Variants in PRPF18 observed in about 807,000 individuals in gnomAD.
PRPF18 encodes pre-mRNA processing factor 18.
In PRPF18, 38 loss-of-function variants were observed where a neutral mutation model predicts 46.5. That is an observed-to-expected ratio of 0.82 (90% confidence interval 0.63 to 1.07). The LOEUF (loss-of-function observed/expected upper bound fraction) is 1.07. Among genes scored for constraint, PRPF18 ranks in the 50% least tolerant of loss-of-function variants. The pLI is 0.00. For missense variants in PRPF18, 263 were observed against 410.0 expected (o/e 0.64, Z 3.10); for synonymous variants, 152 against 146.7 (o/e 1.04, Z -0.26).
At chr10:13,636,132 A>T in the PRPF18 span, among the ~76,000 whole-genome samples, 2 of 152,298 alleles carry the variant, frequency 1.3e-5, no homozygotes, top group African/African-American at 4.8e-5. Context: ...AAAGTACGAG[A>T]TAGGTTTGGC....
In PRPF18 at chr10:13,586,977, G is replaced by A; in HGVS notation, c.-110G>A. The A allele has an allele frequency of 9.0e-7, 1 of 1,115,182 alleles. No homozygotes were observed. Among genetic ancestry groups the A allele is most frequent in the Non-Finnish European group, 1.4e-6 (1 of 729,128 alleles). 69.1% of individuals were successfully genotyped at this position (1,115,182 alleles called of 1,614,324 possible). On this transcript the variant is annotated 5_prime_UTR_variant, in exon 1 of 10. In the 5' UTR this introduces an upstream ATG that the reference lacks. Transcript: ENST00000378572. The stretch of plus-strand genomic sequence containing the variant: ...AGCGGCTCCTGTCAGTTGTTCTCAG[G>A]TGTTTGGGCTTGTTGTTCCGTATAC...
At chr10:13,652,229 G>A in the PRPF18 span, 2 of 530,482 alleles carry the variant, frequency 3.8e-6, no homozygotes, top group Admixed American at 6.7e-5. Flanking sequence ...ATAGCAAACA[G>A]TTTATGCCAA....
At chr10:13,621,691 G>A (rs932912743) in intron 9 of PRPF18, among the ~76,000 whole-genome samples, 5 of 152,164 alleles carry the variant, frequency 3.3e-5, no homozygotes, top group African/African-American at 1.2e-4. Flanking sequence ...TGTGCACTGT[G>A]TTACAGATTC....
At chr10:13,635,354 A>C (rs114002235), downstream of PRPF18, among the ~76,000 whole-genome samples, 1 of 152,292 alleles carries the variant, frequency 6.6e-6, no homozygotes, top group African/African-American at 2.4e-5. Flanking sequence ...CGCAGTGAAC[A>C]TACATGTGAG....
chr10:13,597,582 A>G (rs1185709880), intron 2 of PRPF18, 47 bp downstream of exon 2: 4 of 1,598,554 alleles, frequency 2.5e-6, no homozygotes, highest in Non-Finnish European at 3.4e-6. Context: ...CTGAGTTTAA[A>G]TTTATACAGC....
At chr10:13,604,559 A>C (rs1408667713) in intron 3 of PRPF18, among the ~76,000 whole-genome samples, 4 of 152,210 alleles carry the variant, frequency 2.6e-5, no homozygotes, top group Non-Finnish European at 4.4e-5. Flanking sequence ...TCATGGTGGT[A>C]TTACAATGCA....
intron 9 of PRPF18, among the ~76,000 whole-genome samples, chr10:13,629,468 C>A (rs1025232588): frequency 6.6e-6 from 1 of 152,168 alleles, no homozygotes; most frequent in Non-Finnish European, 1.5e-5. Flanking sequence ...AGTTTAAGAA[C>A]TAGAACATTC....
chr10:13,654,061 G>T, the PRPF18 span: 11 of 445,350 alleles, frequency 2.5e-5, no homozygotes, highest in Admixed American at 3.9e-5. Flanking sequence ...TTCTCCCCCT[G>T]ACATTCTTGC....
intron 1 of PRPF18, among the ~76,000 whole-genome samples, chr10:13,591,206 A>G (rs1212271531): frequency 5.3e-5 from 8 of 152,206 alleles, no homozygotes; most frequent in Non-Finnish European, 1.0e-4. Flanking sequence ...CAGTCTTTAG[A>G]TCTGCAGCTC....
At chr10:13,628,925 T>C (rs1220233033) in intron 9 of PRPF18, among the ~76,000 whole-genome samples, 1 of 152,156 alleles carries the variant, frequency 6.6e-6, no homozygotes, top group African/African-American at 2.4e-5. Context: ...CTGGCCTGTT[T>C]GCGCACGGTA....
At chr10:13,588,307 T>A (rs1166617625) in intron 1 of PRPF18, among the ~76,000 whole-genome samples, 1 of 151,396 alleles carries the variant, frequency 6.6e-6, no homozygotes, top group Non-Finnish European at 1.5e-5. Context: ...CTCAGGAGGC[T>A]GAGGCCAGAG....
Position 13,617,720 on chromosome 10 carries a change from G to A in PRPF18, c.948+1167G>A, listed in dbSNP as rs557397548. On this transcript the variant is annotated intron_variant, in intron 9 of 9. Transcript: ENST00000378572. Reference sequence around the variant, plus strand: ...ACAGTAATGTGATTTTCACCTCCCCGAGGAGTGATTTTTTTTTAAGTATAC... The same window carrying A: ...ACAGTAATGTGATTTTCACCTCCCCAAGGAGTGATTTTTTTTTAAGTATAC... Among the ~76,000 whole-genome samples the A allele has an allele frequency of 5.3e-5, 8 of 152,176 alleles. No homozygotes were observed. In the East Asian group the frequency reaches 1.4e-3, roughly 26 times the overall value.
At chr10:13,591,979 T>A in intron 1 of PRPF18, 1 of 953,998 alleles carries the variant, frequency 1.0e-6, no homozygotes, top group Non-Finnish European at 1.6e-6. Context: ...ACATCTTCAG[T>A]AGGAAAATAT....
chr10:13,640,417 A>G, the PRPF18 span: 1 of 152,228 alleles, frequency 6.6e-6, no homozygotes, highest in Non-Finnish European at 1.5e-5. Flanking sequence ...TCTTCTACGC[A>G]ATCCCAAGCT....
rs763324655 is a variant in PRPF18, at chr10:13,616,418, G to A, written c.813G>A (p.Gln271=). The A allele has an allele frequency of 6.2e-7, 1 of 1,610,360 alleles. No homozygotes were observed. The highest frequency in any genetic ancestry group is 8.5e-7 in the Non-Finnish European group (1 of 1,177,704). The part of the protein sequence containing the change: ...EYVKANDAYL[Q]MAIGNAPWPI... ...TTCAGGCAAATGATGCTTATCTTCA[G>A]ATGGCCATTGGAAATGCGCCTTGGC... The change falls in exon 9 of 10, where the codon CAG becomes CAA. Residue 271 remains glutamine, a synonymous_variant. Transcript: ENST00000378572.
chr10:13,590,815 C>G (rs866873393), intron 1 of PRPF18, among the ~76,000 whole-genome samples: 4 of 152,150 alleles, frequency 2.6e-5, no homozygotes, highest in Non-Finnish European at 4.4e-5. Context: ...GGATTTGAAC[C>G]CTGGTCTGTT....
At chr10:13,612,813 C>T (rs1161370914) in intron 6 of PRPF18, among the ~76,000 whole-genome samples, 2 of 151,818 alleles carry the variant, frequency 1.3e-5, no homozygotes, top group African/African-American at 4.8e-5. Flanking sequence ...AGAGAGTGCT[C>T]AATTCTTCAG....
chr10:13,597,323 C>A (rs1057400977), intron 1 of PRPF18, 135 bp from the exon 2 acceptor site: 5 of 636,430 alleles, frequency 7.9e-6, no homozygotes. Flanking sequence ...TCTCTGGAAC[C>A]AAAAAATATT....
In PRPF18 at chr10:13,623,688, G is replaced by GTAGTT. The variant is rs66501629; in HGVS notation, c.949-6571_949-6570insAGTTT. On this transcript the variant is annotated intron_variant, in intron 9 of 9. Coordinates refer to ENST00000378572, the MANE Select transcript of PRPF18 (RefSeq NM_003675.4). ...CAAATCAAGGCAAAGAATTGTGATT[G>GTAGTT]TGGTTTGGTTTGGTTTAGTTTTTGT... 5.7e-4 allele frequency among the ~76,000 whole-genome samples: 87 copies of GTAGTT among 151,582 alleles called. No homozygotes were observed. In the South Asian group the frequency reaches 0.012, roughly 21 times the overall value.
Sources: allele counts gnomAD v4.1 joint callset (sites outside exome capture counted in the v4.1 genomes callset), GRCh38; gene constraint gnomAD v4.1.1; transcripts MANE v1.5; gene names NCBI Gene and HGNC (gene_info 2026-07-23, HGNC 2026-07-21).